The following ADGRL3 variants were observed in gnomAD, a reference collection of about 807,000 sequenced individuals.
The protein encoded by ADGRL3 is calcium-independent alpha-latrotoxin receptor 3.
Under a neutral mutation model 153.5 loss-of-function variants are expected in ADGRL3, and 62 were observed. The ratio of observed to expected loss-of-function variants is 0.40; its 90% CI spans 0.33 to 0.50. The LOEUF is 0.50. ADGRL3 is among the 20% of genes least tolerant of loss of function. The pLI, the probability that ADGRL3 is intolerant of heterozygous loss-of-function variation, is 0.47. For synonymous variants in ADGRL3, 710 were observed against 672.5 expected (o/e 1.06, Z -0.86); for missense variants, 1,641 against 1,859.4 (o/e 0.88, Z 2.16).
At chr4:61,421,222 T>C (rs2097203279) in intron 2 of ADGRL3, among the ~76,000 whole-genome samples, 1 of 152,064 alleles carries the variant, frequency 6.6e-6, no homozygotes, top group Admixed American at 6.6e-5. Context: ...TAGTCCCAGC[T>C]ACTTGGGAGG....
intron 1 of ADGRL3, among the ~76,000 whole-genome samples, chr4:61,339,668 T>A (rs1032774343): frequency 2.6e-5 from 4 of 152,294 alleles, no homozygotes; most frequent in African/African-American, 7.2e-5. Context: ...ATTACAATTT[T>A]AAAAAAATTC....
At chr4:61,684,006 G>T (rs996596548) in intron 6 of ADGRL3, among the ~76,000 whole-genome samples, 1 of 152,118 alleles carries the variant, frequency 6.6e-6, no homozygotes, top group Non-Finnish European at 1.5e-5. Flanking sequence ...GGACAAGCTA[G>T]GTAATAAATC....
intron 2 of ADGRL3, among the ~76,000 whole-genome samples, chr4:61,409,673 T>A (rs9685219): frequency 6.6e-6 from 1 of 151,628 alleles, no homozygotes; most frequent in Non-Finnish European, 1.5e-5. Flanking sequence ...GCAATATTTT[T>A]AAAAATAATA....
At chr4:61,964,902 A>G (rs1165929192) in intron 17 of ADGRL3, among the ~76,000 whole-genome samples, 3 of 152,134 alleles carry the variant, frequency 2.0e-5, no homozygotes, top group Non-Finnish European at 4.4e-5. Context: ...TGTTCTTGGT[A>G]AGAACTAGTT....
At chr4:61,549,436 C>T (rs2098730221) in intron 4 of ADGRL3, among the ~76,000 whole-genome samples, 1 of 151,812 alleles carries the variant, frequency 6.6e-6, no homozygotes, top group African/African-American at 2.4e-5. Flanking sequence ...CCCAACTTTG[C>T]ATTAATTATT....
chr4:61,534,191 A>T (rs75233794), intron 4 of ADGRL3, among the ~76,000 whole-genome samples: 2,821 of 152,136 alleles, frequency 0.019, 87 homozygotes, highest in African/African-American at 0.064. Context: ...AGCAGCATTT[A>T]TTGCATAAGG....
chr4:61,235,493 G>T (rs1304983388), intron 1 of ADGRL3, among the ~76,000 whole-genome samples: 1 of 152,148 alleles, frequency 6.6e-6, no homozygotes, highest in African/African-American at 2.4e-5. Flanking sequence ...ACAGAAGTGA[G>T]AAAGAAGCAA....
At chr4:61,357,639 G>A (rs2096200937) in intron 1 of ADGRL3, among the ~76,000 whole-genome samples, 2 of 152,076 alleles carry the variant, frequency 1.3e-5, no homozygotes, top group Admixed American at 1.3e-4. Context: ...TGTGCATCAA[G>A]TCAATTTTTG....
At chr4:61,328,308 A>G (rs1175051318) in intron 1 of ADGRL3, among the ~76,000 whole-genome samples, 1 of 152,156 alleles carries the variant, frequency 6.6e-6, no homozygotes, top group African/African-American at 2.4e-5. Flanking sequence ...GTTCTGGATG[A>G]TACAGAGCAC....
intron 5 of ADGRL3, among the ~76,000 whole-genome samples, chr4:61,644,378 T>C (rs1453280879): frequency 2.6e-5 from 4 of 152,090 alleles, no homozygotes; most frequent in Non-Finnish European, 2.9e-5. Flanking sequence ...TTAATTGTGA[T>C]GTTAGGGTGT....
chr4:61,700,610 G>A (rs745363105), intron 6 of ADGRL3, among the ~76,000 whole-genome samples: 5 of 152,138 alleles, frequency 3.3e-5, no homozygotes, highest in Non-Finnish European at 7.4e-5. Context: ...TGAGGTAGTA[G>A]AGAAAAGTGG....
intron 1 of ADGRL3, among the ~76,000 whole-genome samples, chr4:61,234,732 C>T (rs1752170093): frequency 6.6e-6 from 1 of 152,076 alleles, no homozygotes; most frequent in African/African-American, 2.4e-5. Flanking sequence ...TTTTATAGAG[C>T]AGTTTTAGTG....
chr4:61,219,551 A>G (rs1160066038), intron 1 of ADGRL3, among the ~76,000 whole-genome samples: 2 of 152,236 alleles, frequency 1.3e-5, no homozygotes, highest in African/African-American at 4.8e-5. Context: ...TGTTTCGATG[A>G]TACCTGAAAA....
At chr4:61,851,435 A>G (rs1178755270) in intron 9 of ADGRL3, among the ~76,000 whole-genome samples, 1 of 151,870 alleles carries the variant, frequency 6.6e-6, no homozygotes, top group Non-Finnish European at 1.5e-5. Flanking sequence ...CAAAAAAATT[A>G]AAAATCAGCC....
At chr4:61,778,972 C>T (rs556360563) in intron 8 of ADGRL3, among the ~76,000 whole-genome samples, 19 of 151,612 alleles carry the variant, frequency 1.3e-4, no homozygotes, top group Non-Finnish European at 2.5e-4. Context: ...TTAGGAGAAC[C>T]GCTTGAACAC....
In ADGRL3 at chr4:61,722,649, T is replaced by C. The variant is rs1486902703; in HGVS notation, c.584-7973T>C. 2.6e-5 allele frequency among the ~76,000 whole-genome samples: 4 copies of C among 152,290 alleles called. No individual in the cohort carries two copies. The East Asian group carries it at 7.7e-4, about 29-fold the overall frequency. ...ATTAATTGTAGAATTCTTTAGAAATTGACATGTAGAAAATACGTCAAATAT... is the reference window on the plus strand; with the variant it reads ...ATTAATTGTAGAATTCTTTAGAAATCGACATGTAGAAAATACGTCAAATAT... On this transcript the variant is annotated intron_variant, in intron 6 of 26. Transcript: ENST00000683033.
intron 9 of ADGRL3, among the ~76,000 whole-genome samples, chr4:61,826,916 TAAAA>T (rs34335394): frequency 6.7e-6 from 1 of 149,828 alleles, no homozygotes; most frequent in Non-Finnish European, 1.5e-5. Flanking sequence ...TAAAGTATAA[TAAAA>T]AAAAAAATTA....
intron 8 of ADGRL3, among the ~76,000 whole-genome samples, chr4:61,751,800 ACT>A (rs1440622198): frequency 6.6e-6 from 1 of 152,058 alleles, no homozygotes; most frequent in South Asian, 2.1e-4. Context: ...TGCTAACAAC[ACT>A]CTCATGCTTA....
intron 1 of ADGRL3, among the ~76,000 whole-genome samples, chr4:61,364,980 G>A (rs535940915): frequency 1.2e-4 from 19 of 152,222 alleles, no homozygotes; most frequent in African/African-American, 4.6e-4. Flanking sequence ...TTAGCCTGAG[G>A]TTGAATTTCT....
Sources: allele counts gnomAD v4.1 joint callset (sites outside exome capture counted in the v4.1 genomes callset), GRCh38; gene constraint gnomAD v4.1.1; transcripts MANE v1.5; gene names NCBI Gene and HGNC (gene_info 2026-07-23, HGNC 2026-07-21).